The following AK5 variants were observed in gnomAD, a reference collection of about 807,000 sequenced individuals.
AK5 encodes the protein adenylate kinase isoenzyme 5.
AK5 carries 27 observed loss-of-function variants against 69.5 expected under a neutral mutation model. The observed-to-expected ratio is 0.39, with a 90% CI of 0.29 to 0.54. The LOEUF (loss-of-function observed/expected upper bound fraction) is 0.54. AK5 is among the 20% of genes least tolerant of loss of function. The pLI, the probability that AK5 is intolerant of heterozygous loss-of-function variation, is 0.71. For missense variants in AK5, 531 were observed against 700.4 expected, an observed-to-expected ratio of 0.76 and a Z score of 2.73; for synonymous variants, 260 against 244.4, an observed-to-expected ratio of 1.06 and a Z score of -0.60.
intron 3 of AK5, among the ~76,000 whole-genome samples, chr1:77,296,955 T>C (rs958289607): frequency 6.6e-6 from 1 of 152,192 alleles, no homozygotes; most frequent in Non-Finnish European, 1.5e-5. Context: ...TGTAGGTGTG[T>C]GGATTTGTTT....
At chr1:77,283,427 G>A (rs907459483) in intron 1 of AK5, 6 of 983,518 alleles carry the variant, frequency 6.1e-6, no homozygotes, top group Non-Finnish European at 7.2e-6. Context: ...AAGGTCATGA[G>A]GGTTTTTCCC....
At chr1:77,487,163 C>T (rs542216468) in intron 10 of AK5, among the ~76,000 whole-genome samples, 21 of 152,316 alleles carry the variant, frequency 1.4e-4, no homozygotes, top group African/African-American at 4.8e-4. Context: ...ATTTTCTGAG[C>T]ACCCACTATG....
intron 7 of AK5, 73 bp from the exon 8 acceptor site, chr1:77,417,566 A>C: frequency 1.1e-6 from 1 of 881,302 alleles, no homozygotes; most frequent in South Asian, 1.4e-5. Flanking sequence ...ATGGAAACCT[A>C]GTGAGAGACT....
intron 6 of AK5, among the ~76,000 whole-genome samples, chr1:77,374,990 C>A (rs1484654133): frequency 5.9e-5 from 9 of 152,126 alleles, no homozygotes. Flanking sequence ...GTAACAAGGT[C>A]ACCATTTATT....
chr1:77,310,953 AT>A (rs1269322424), intron 5 of AK5, among the ~76,000 whole-genome samples: 1 of 152,084 alleles, frequency 6.6e-6, no homozygotes, highest in Non-Finnish European at 1.5e-5. Context: ...TTGTTCCTAA[AT>A]ATAATCGTTT....
intron 13 of AK5, 95 bp downstream of exon 13, chr1:77,536,133 G>C (rs1658953500): frequency 7.4e-7 from 1 of 1,353,060 alleles, no homozygotes; most frequent in African/African-American, 1.5e-5. Flanking sequence ...TTAGTTAAGG[G>C]ATCTGGGAAT....
At chr1:77,456,564 C>T (rs1259674860) in intron 8 of AK5, among the ~76,000 whole-genome samples, 2 of 152,194 alleles carry the variant, frequency 1.3e-5, no homozygotes, top group African/African-American at 4.8e-5. Context: ...AAGAACAGCA[C>T]CTTCGAAGGC....
In AK5 at chr1:77,558,975, G is replaced by A. The variant is rs186460953; in HGVS notation, c.*305G>A. ...CTAGTCAGTACATGAACAGTGGTGC[G>A]GTGCCAGTCTGTGTCCGTTGTGATC... On this transcript the variant is annotated 3_prime_UTR_variant, in exon 14 of 14. Transcript: ENST00000354567. 1.7e-4 allele frequency: 38 copies of A among 223,282 alleles called. No individual in the cohort carries two copies. The highest frequency in any genetic ancestry group is 3.2e-4 in the African/African-American group (14 of 44,406). The allele number at this position is 223,282 out of a possible 1,614,324, so 13.8% of individuals were successfully genotyped here. A position where few individuals can be genotyped will look rare whatever the true frequency, so the allele number is the denominator to read the frequency against.
At chr1:77,422,123 GCCT>G (rs1317152249) in intron 8 of AK5, among the ~76,000 whole-genome samples, 2 of 152,096 alleles carry the variant, frequency 1.3e-5, no homozygotes, top group African/African-American at 4.8e-5. Context: ...CGTCTTCCTA[GCCT>G]CCTTCCTTTC....
chr1:77,504,943 T>C (rs369272465), intron 10 of AK5, among the ~76,000 whole-genome samples: 8 of 152,264 alleles, frequency 5.3e-5, no homozygotes, highest in East Asian at 1.9e-4. Context: ...TTTCAACTTT[T>C]GCTTTTATTA....
intron 6 of AK5, among the ~76,000 whole-genome samples, chr1:77,345,302 A>G (rs903206740): frequency 6.6e-6 from 1 of 152,190 alleles, no homozygotes; most frequent in East Asian, 1.9e-4. Flanking sequence ...ATTCATACGC[A>G]GGTTTACCAA....
At chr1:77,526,729 C>T (rs999881364) in intron 12 of AK5, among the ~76,000 whole-genome samples, 5 of 151,552 alleles carry the variant, frequency 3.3e-5, no homozygotes, top group Non-Finnish European at 5.9e-5. Context: ...CCCTCTCAGC[C>T]TCCCAAAGTG....
intron 12 of AK5, among the ~76,000 whole-genome samples, chr1:77,527,345 G>T (rs1658346343): frequency 1.3e-5 from 2 of 152,116 alleles, no homozygotes; most frequent in African/African-American, 4.8e-5. Context: ...CTGTCCTCTG[G>T]CGTAAGTATG....
Position 77,335,384 on chromosome 1 carries a change from G to T in AK5, c.700-4993G>T, listed in dbSNP as rs66524678. On this transcript the variant is annotated intron_variant, in intron 5 of 13. Transcript: ENST00000354567. ...CAAAAGTGATGCCTCAGTTTTTTGG[G>T]TTTTTTTTTTTTTTTGTAACTTATT... Among the ~76,000 whole-genome samples, 339 of 134,288 alleles carry T rather than the reference G, an allele frequency of 2.5e-3. 1 individual carries two copies. Among genetic ancestry groups the T allele is most frequent in the Middle Eastern group, 0.011 (3 of 264 alleles). The allele number at this position is 134,288 out of a possible 152,430, so 88.1% of individuals were successfully genotyped here.
At chr1:77,507,318 G>T (rs1657084977) in intron 10 of AK5, among the ~76,000 whole-genome samples, 1 of 152,046 alleles carries the variant, frequency 6.6e-6, no homozygotes, top group African/African-American at 2.4e-5. Flanking sequence ...AGAGTTTAAT[G>T]GTACCAGGAC....
chr1:77,324,979 A>C (rs1660721980), intron 5 of AK5, among the ~76,000 whole-genome samples: 2 of 88,566 alleles, frequency 2.3e-5, no homozygotes, highest in East Asian at 6.7e-4. Flanking sequence ...ATTACGAGCT[A>C]CTTTTTTTTT....
chr1:77,403,810 G>A lies in AK5; in HGVS notation c.892-7171G>A, dbSNP rs940218017. On this transcript the variant is annotated intron_variant, in intron 6 of 13. Transcript: ENST00000354567. ...TTTTTGATTCCATATGAACTTTAAA[G>A]TAGCTTTTTCCAATTCTGTGAAGAA... is the stretch of plus-strand genomic sequence containing the variant. Among the ~76,000 whole-genome samples, 13 of 152,346 alleles carry A rather than the reference G, an allele frequency of 8.5e-5. No homozygotes were observed. The South Asian group carries it at 2.1e-3, about 24-fold the overall frequency.
chr1:77,409,509 A>G (rs998831845), intron 6 of AK5, among the ~76,000 whole-genome samples: 4 of 151,950 alleles, frequency 2.6e-5, no homozygotes, highest in Non-Finnish European at 4.4e-5. Context: ...CTTTTTTTTC[A>G]TATGCTTGAT....
intron 8 of AK5, among the ~76,000 whole-genome samples, chr1:77,476,933 A>C (rs1654975169): frequency 1.3e-5 from 2 of 151,502 alleles, no homozygotes; most frequent in South Asian, 4.2e-4. Flanking sequence ...GTATAAGGAA[A>C]GTGCAAAAAA....
Sources: gnomAD v4.1 joint callset for allele counts (sites outside exome capture counted in the v4.1 genomes callset) on GRCh38, gnomAD v4.1.1 for gene constraint, MANE v1.5 for transcripts, NCBI Gene and HGNC (gene_info 2026-07-23, HGNC 2026-07-21) for gene names.